The following C1orf21 variants were observed in gnomAD, a reference collection of about 807,000 sequenced individuals.
C1orf21 encodes the protein chromosome 1 open reading frame 21.
A neutral mutation model predicts 18.7 loss-of-function variants in C1orf21; 3 were observed. The ratio of observed to expected loss-of-function variants is 0.16; its 90% CI spans 0.07 to 0.42. The LOEUF (loss-of-function observed/expected upper bound fraction) is 0.42. Among genes scored for constraint, C1orf21 ranks in the 10% least tolerant of loss-of-function variants. The pLI is 0.99. For missense variants in C1orf21, 104 were observed against 143.6 expected (o/e 0.72, Z 1.41); for synonymous variants, 41 against 46.4 (o/e 0.88, Z 0.47).
At position 184,622,175 on chromosome 1, in the gene C1orf21, A is replaced by G. The variant is rs1451913554; in HGVS notation, c.*2619A>G. ...GATAATCCAATGTACGTGCTGGTGC[A>G]CTCTGCTAGTTGTTATCTCTGTAGG... On this transcript the variant is annotated 3_prime_UTR_variant, in exon 6 of 6. Coordinates refer to ENST00000235307, the MANE Select transcript of C1orf21 (RefSeq NM_030806.4). 6.6e-6 allele frequency: 1 copy of G among 152,150 alleles called. No individual in the cohort carries two copies. The highest frequency in any genetic ancestry group is 2.1e-4 in the South Asian group (1 of 4,826). The allele number at this position is 152,150 out of a possible 1,614,324, so 9.4% of individuals were successfully genotyped here.
intron 3 of C1orf21, among the ~76,000 whole-genome samples, chr1:184,551,077 T>C (rs1383240336): frequency 2.6e-5 from 4 of 152,172 alleles, no homozygotes; most frequent in African/African-American, 4.8e-5. Flanking sequence ...AGGAATCACA[T>C]AGAACAGAAT....
At chr1:184,455,283 G>A (rs1657181884) in intron 1 of C1orf21, among the ~76,000 whole-genome samples, 1 of 152,174 alleles carries the variant, frequency 6.6e-6, no homozygotes, top group Non-Finnish European at 1.5e-5. Flanking sequence ...GGTGACCTGT[G>A]TTTAAACTTG....
intron 3 of C1orf21, among the ~76,000 whole-genome samples, chr1:184,537,949 C>T (rs1310199130): frequency 6.6e-6 from 1 of 152,082 alleles, no homozygotes; most frequent in East Asian, 1.9e-4. Context: ...GCACCTAGAC[C>T]CTAATTTCAA....
chr1:184,416,960 A>G (rs187427785), intron 1 of C1orf21, among the ~76,000 whole-genome samples: 10 of 152,342 alleles, frequency 6.6e-5, no homozygotes, highest in South Asian at 4.1e-4. Context: ...AAAGTTGCCA[A>G]TGAAGGGTCT....
intron 3 of C1orf21, among the ~76,000 whole-genome samples, chr1:184,538,913 G>A (rs1312474959): frequency 3.3e-5 from 5 of 152,032 alleles, no homozygotes; most frequent in Non-Finnish European, 7.4e-5. Flanking sequence ...AATCCTTAGC[G>A]TTTTCCAAAC....
intron 1 of C1orf21, among the ~76,000 whole-genome samples, chr1:184,463,082 CAAAAAAAA>C (rs397982231): frequency 1.2e-5 from 1 of 80,318 alleles, no homozygotes; most frequent in African/African-American, 4.3e-5. Flanking sequence ...GACTCCATCT[CAAAAAAAA>C]AAAAAAAAAA....
At chr1:184,446,721 A>AG (rs1657035314) in intron 1 of C1orf21, among the ~76,000 whole-genome samples, 1 of 151,994 alleles carries the variant, frequency 6.6e-6, no homozygotes, top group Non-Finnish European at 1.5e-5. Flanking sequence ...GAAAAAAAAA[A>AG]CAAAACAATA....
At chr1:184,547,629 C>G (rs544534784) in intron 3 of C1orf21, among the ~76,000 whole-genome samples, 2 of 152,202 alleles carry the variant, frequency 1.3e-5, no homozygotes, top group East Asian at 3.9e-4. Flanking sequence ...CTCTCACATA[C>G]AAAGTTGAGA....
intron 3 of C1orf21, among the ~76,000 whole-genome samples, chr1:184,550,817 A>G (rs1472971802): frequency 2.0e-5 from 3 of 152,122 alleles, no homozygotes; most frequent in Non-Finnish European, 2.9e-5. Context: ...GATTACAGGC[A>G]TGAGTTGCCG....
At chr1:184,529,679 A>G (rs1658429810) in intron 3 of C1orf21, among the ~76,000 whole-genome samples, 1 of 152,210 alleles carries the variant, frequency 6.6e-6, no homozygotes, top group South Asian at 2.1e-4. Context: ...GAGCAGTCCA[A>G]TAAAGGAGAA....
At chr1:184,483,859 A>C (rs1287203940) in intron 2 of C1orf21, among the ~76,000 whole-genome samples, 2 of 137,148 alleles carry the variant, frequency 1.5e-5, no homozygotes, top group Non-Finnish European at 3.0e-5. Flanking sequence ...TGAACATCCA[A>C]GGCACCTGAA....
chr1:184,575,708 A>G (rs2180075), intron 3 of C1orf21, among the ~76,000 whole-genome samples: 10,970 of 151,776 alleles, frequency 0.072, 486 homozygotes, highest in Non-Finnish European at 0.091. Flanking sequence ...TAGAAAAAAA[A>G]TTTTAATACA....
intron 1 of C1orf21, among the ~76,000 whole-genome samples, chr1:184,442,465 T>G (rs79021027): frequency 1.2e-3 from 183 of 152,332 alleles, no homozygotes; most frequent in African/African-American, 4.3e-3. Flanking sequence ...CCAGCTCTAA[T>G]TGACCTTCAC....
At chr1:184,527,156 T>C (rs1351775090) in intron 3 of C1orf21, among the ~76,000 whole-genome samples, 1 of 152,230 alleles carries the variant, frequency 6.6e-6, no homozygotes, top group Non-Finnish European at 1.5e-5. Context: ...CTTAATCCTT[T>C]GTACTTAGCA....
intron 1 of C1orf21, among the ~76,000 whole-genome samples, chr1:184,432,000 G>A (rs1256292289): frequency 1.3e-5 from 2 of 152,150 alleles, no homozygotes; most frequent in African/African-American, 4.8e-5. Flanking sequence ...TTAGAATGGC[G>A]ATCATTAAAA....
chr1:184,553,085 G>T (rs1029856088), intron 3 of C1orf21, among the ~76,000 whole-genome samples: 30 of 152,046 alleles, frequency 2.0e-4, no homozygotes, highest in African/African-American at 7.0e-4. Flanking sequence ...ATGTCTACAG[G>T]GCCCTCAAGT....
At chr1:184,433,496 C>T (rs1026602521) in intron 1 of C1orf21, among the ~76,000 whole-genome samples, 4 of 152,120 alleles carry the variant, frequency 2.6e-5, no homozygotes, top group Admixed American at 2.0e-4. Context: ...ATGGAATAAA[C>T]TCCAATTTCT....
At chr1:184,541,669 C>G (rs551853019) in intron 3 of C1orf21, among the ~76,000 whole-genome samples, 1 of 152,360 alleles carries the variant, frequency 6.6e-6, no homozygotes, top group Non-Finnish European at 1.5e-5. Flanking sequence ...GTTTACAGTG[C>G]TCTCCCATTA....
rs150865794 is a variant in C1orf21, at chr1:184,443,904, A to G, written c.-124-33482A>G. Among the ~76,000 whole-genome samples, 17 of 152,278 alleles carry G rather than the reference A, an allele frequency of 1.1e-4. 2 individuals carry two copies. Among genetic ancestry groups the G allele is most frequent in the Admixed American group, 5.2e-4 (8 of 15,292 alleles). ...GGAGGAGGTAAGAAGGCCCAATCCC[A>G]TGACAGGGGGTATATGAGGGCAGTG... On this transcript the variant is annotated intron_variant, in intron 1 of 5. Transcript: ENST00000235307.
Sources: allele counts gnomAD v4.1 joint callset (sites outside exome capture counted in the v4.1 genomes callset), GRCh38; gene constraint gnomAD v4.1.1; transcripts MANE v1.5; gene names NCBI Gene and HGNC (gene_info 2026-07-23, HGNC 2026-07-21).